The following ATP9B variants were observed in gnomAD, a reference collection of about 807,000 sequenced individuals.
ATP9B encodes probable phospholipid-transporting ATPase IIB.
A neutral mutation model predicts 146.1 loss-of-function variants in ATP9B; 110 were observed. That is an observed-to-expected ratio of 0.75 (90% CI 0.65 to 0.88). The LOEUF (loss-of-function observed/expected upper bound fraction) is 0.88. Ranked by LOEUF, ATP9B falls within the 40% of genes least tolerant of loss-of-function variation. The probability of loss-of-function intolerance (pLI) is 0.00; values close to 1 mark genes in which losing one functional copy is unlikely to be tolerated. For synonymous variants in ATP9B, 604 were observed against 569.7 expected, an observed-to-expected ratio of 1.06 and a Z score of -0.86; for missense variants, 1,499 against 1,496.4, an observed-to-expected ratio of 1.00 and a Z score of -0.03.
chr18:79,334,815 G>A (rs888144302), intron 17 of ATP9B, among the ~76,000 whole-genome samples: 8 of 137,794 alleles, frequency 5.8e-5, no homozygotes, highest in African/African-American at 1.8e-4. Context: ...GAGACCCACC[G>A]GTGCCCTCCC....
At chr18:79,320,790 A>G (rs376897345) in intron 15 of ATP9B, among the ~76,000 whole-genome samples, 1 of 99,042 alleles carries the variant, frequency 1.0e-5, no homozygotes, top group Non-Finnish European at 2.5e-5. Flanking sequence ...ACATACTAGG[A>G]AACTCCGGGA....
rs1568696296 is a variant in ATP9B, at chr18:79,327,492, GTGGTTAGTGTGCTCTCTCCA to G, written c.1774-1641_1774-1622del. Among the ~76,000 whole-genome samples, 336 of 148,438 alleles carry G rather than the reference GTGGTTAGTGTGCTCTCTCCA, an allele frequency of 2.3e-3. 3 individuals are homozygous for G. Among genetic ancestry groups the G allele is most frequent in the African/African-American group, 6.0e-3 (240 of 39,834 alleles). ...GTTCTCCGTGGTTAGCGTGCTCTCC[GTGGTTAGTGTGCTCTCTCCA>G]TGGTTAGCGTGCTCTCCGTGGTTAG... On this transcript the variant is annotated intron_variant, in intron 15 of 29. Coordinates refer to ENST00000426216, the MANE Select transcript of ATP9B (RefSeq NM_198531.5).
rs538541185 is a variant in ATP9B at position 79,237,254 on chromosome 18, G to A, written c.1108-16127G>A. On this transcript the variant is annotated intron_variant, in intron 11 of 29. Transcript: ENST00000426216. The stretch of plus-strand genomic sequence containing the variant: ...CCCACTGTGTACACGGTCCGTGCAC[G>A]AGTCAGTGTCCACACCTGCCCCTTC... Among the ~76,000 whole-genome samples, 10 of 135,626 alleles carry A rather than the reference G, an allele frequency of 7.4e-5. No individual in the cohort carries two copies. The East Asian group carries it at 2.0e-3, about 27-fold the overall frequency. The allele number at this position is 135,626 out of a possible 152,430, so 89.0% of individuals were successfully genotyped here.
rs531848281 is a variant in ATP9B at position 79,136,321 on chromosome 18, A to AT, written c.668-7474dup. 7.4e-4 allele frequency among the ~76,000 whole-genome samples: 112 copies of AT among 151,824 alleles called. 1 individual carries two copies. The highest frequency in any genetic ancestry group is 2.7e-3 in the African/African-American group (110 of 41,404). On this transcript the variant is annotated intron_variant, in intron 5 of 29. Transcript: ENST00000426216. ...TGTGAGATACATCTTCCCCTTTAAA[A>AT]TTTTTTTCTCAGCAGTGTTTTGTTG... is the stretch of plus-strand genomic sequence containing the variant.
chr18:79,307,418 G>T, intron 15 of ATP9B, 184 bp downstream of exon 15: 2 of 867,912 alleles, frequency 2.3e-6, no homozygotes, highest in South Asian at 1.8e-5. Flanking sequence ...CGTAGCCTGG[G>T]CCTTGCACAT....
At position 79,110,405 on chromosome 18, in the gene ATP9B, C is replaced by G; in HGVS notation, c.344C>G (p.Ala115Gly). The change falls in exon 3 of 30, where the codon GCT becomes GGT. Residue 115 changes from alanine (A) to glycine (G), a missense_variant. By Grantham distance (60) the Ala-to-Gly change is moderately conservative. Transcript: ENST00000426216. ...NICRRKKELKARTVWLGCPEK... is the reference protein window; with the variant it reads ...NICRRKKELKGRTVWLGCPEK... ...TGTCGAAGAAAGAAAGAGCTGAAAG[C>G]TCGCACAGTATGGCTTGGATGTCCT... 1 of 1,610,558 alleles carries G rather than the reference C, an allele frequency of 6.2e-7. No individual in the cohort carries two copies. Among genetic ancestry groups the G allele is most frequent in the Non-Finnish European group, 8.5e-7 (1 of 1,177,924 alleles).
intron 8 of ATP9B, among the ~76,000 whole-genome samples, chr18:79,191,576 A>T (rs1432020758): frequency 6.6e-6 from 1 of 152,198 alleles, no homozygotes; most frequent in Non-Finnish European, 1.5e-5. Flanking sequence ...ATTCACCATC[A>T]TCTGTAATCT....
chr18:79,115,023 A>G lies in ATP9B; in HGVS notation c.558+1669A>G, dbSNP rs188501307. On this transcript the variant is annotated intron_variant, in intron 4 of 29. Coordinates refer to ENST00000426216, the MANE Select transcript of ATP9B (RefSeq NM_198531.5). ...CATGATTGTTTATCTAGAAAACCCC[A>G]TCGTCTCAGCCCAAAATCTCCTTAA... 468 of 172,476 alleles carry G rather than the reference A, an allele frequency of 2.7e-3. 2 individuals carry two copies. The highest frequency in any genetic ancestry group is 0.011 in the African/African-American group (448 of 41,740). The allele number at this position is 172,476 out of a possible 1,614,324, so 10.7% of individuals were successfully genotyped here.
chr18:79,200,788 T>TGGGGACTGTCGGGGTCAG (rs370231088), intron 9 of ATP9B, among the ~76,000 whole-genome samples: 1 of 35,458 alleles, frequency 2.8e-5, no homozygotes, highest in African/African-American at 1.2e-4. Context: ...GAAGTAGTGG[T>TGGGGACTGTCGGGGTCAG]GGAATTGTTT....
At chr18:79,079,655 A>T (rs992568386) in intron 1 of ATP9B, among the ~76,000 whole-genome samples, 18 of 152,120 alleles carry the variant, frequency 1.2e-4, no homozygotes, top group Non-Finnish European at 2.5e-4. Context: ...GTTTAATTAG[A>T]TCCCATTTGT....
At chr18:79,321,021 C>A (rs2096712877) in intron 15 of ATP9B, among the ~76,000 whole-genome samples, 1 of 152,194 alleles carries the variant, frequency 6.6e-6, no homozygotes, top group African/African-American at 2.4e-5. Flanking sequence ...TTACAATTTT[C>A]TTTTAATTTC....
chr18:79,260,364 C>T (rs2096127434), intron 12 of ATP9B, among the ~76,000 whole-genome samples: 2 of 152,134 alleles, frequency 1.3e-5, no homozygotes, highest in African/African-American at 2.4e-5. Flanking sequence ...ATGGAGGAAA[C>T]CGCCCCCATG....
intron 25 of ATP9B, among the ~76,000 whole-genome samples, chr18:79,350,010 G>A (rs763365103): frequency 2.0e-5 from 3 of 151,220 alleles, no homozygotes; most frequent in Admixed American, 1.3e-4. Flanking sequence ...TCGGGTCCTC[G>A]TACCTGCTGT....
chr18:79,285,785 A>G (rs2096432645), intron 13 of ATP9B, among the ~76,000 whole-genome samples: 1 of 152,110 alleles, frequency 6.6e-6, no homozygotes, highest in Non-Finnish European at 1.5e-5. Context: ...ATCTTGAATT[A>G]ATTTTTGTAT....
intron 15 of ATP9B, among the ~76,000 whole-genome samples, chr18:79,322,240 C>T (rs547769146): frequency 1.3e-5 from 2 of 152,302 alleles, no homozygotes; most frequent in South Asian, 2.1e-4. Context: ...ATTCAAGCCC[C>T]GTGGGTGACA....
chr18:79,182,301 G>A (rs1472976764), intron 8 of ATP9B, among the ~76,000 whole-genome samples: 2 of 152,126 alleles, frequency 1.3e-5, no homozygotes, highest in East Asian at 3.8e-4. Context: ...GTTCTCCTCC[G>A]GCCGGACATA....
chr18:79,373,172 T>G lies in ATP9B; in HGVS notation c.3070+290T>G, dbSNP rs561347844. Among the ~76,000 whole-genome samples the G allele has an allele frequency of 6.6e-5, 10 of 152,318 alleles. No homozygotes were observed. In the South Asian group the frequency reaches 2.1e-3, roughly 32 times the overall value. ...GTATACCCTGCACAATGGCTTTCTTTCATAGAGTGATAAAAAGACTTTGAG... is the reference window on the plus strand; with the variant it reads ...GTATACCCTGCACAATGGCTTTCTTGCATAGAGTGATAAAAAGACTTTGAG... On this transcript the variant is annotated intron_variant, in intron 27 of 29. Transcript: ENST00000426216.
At chr18:79,373,361 TTA>T (rs892901976) in intron 27 of ATP9B, among the ~76,000 whole-genome samples, 13 of 152,214 alleles carry the variant, frequency 8.5e-5, no homozygotes, top group Non-Finnish European at 1.9e-4. Context: ...TATCCAGAGA[TTA>T]AAAAGTTTGT....
intron 3 of ATP9B, among the ~76,000 whole-genome samples, chr18:79,110,986 C>G (rs964254958): frequency 6.6e-6 from 1 of 152,066 alleles, no homozygotes; most frequent in African/African-American, 2.4e-5. Flanking sequence ...ATATAGATGT[C>G]TTTGCTACTT....
Sources: gnomAD v4.1 joint callset for allele counts (sites outside exome capture counted in the v4.1 genomes callset) on GRCh38, gnomAD v4.1.1 for gene constraint, MANE v1.5 for transcripts, NCBI Gene and HGNC (gene_info 2026-07-23, HGNC 2026-07-21) for gene names.